CIBAR1: variants seen among roughly 807,000 people sequenced by gnomAD.
CIBAR1 encodes CBY1 interacting BAR domain containing 1.
A neutral mutation model predicts 44.0 loss-of-function variants in CIBAR1; 25 were observed. That is an observed-to-expected ratio of 0.57 (90% confidence interval 0.41 to 0.79). CIBAR1 has a LOEUF of 0.79. CIBAR1 is among the 30% of genes least tolerant of loss of function. The probability of loss-of-function intolerance (pLI) is 0.00; values close to 1 mark genes in which losing one functional copy is unlikely to be tolerated. For synonymous variants in CIBAR1, 115 were observed against 119.0 expected (o/e 0.97, Z 0.22); for missense variants, 278 against 344.8 (o/e 0.81, Z 1.53).
chr8:93,703,664 T>A lies in CIBAR1; in HGVS notation c.306T>A (p.Tyr102Ter). 6.4e-7 allele frequency: 1 copy of A among 1,553,440 alleles called. No individual in the cohort carries two copies. Residue 102 changes from tyrosine (Y) to a stop codon, truncating the protein, a stop_gained, in exon 3 of 9, where the codon TAT becomes TAA. Coordinates refer to ENST00000518322, the MANE Select transcript of CIBAR1 (RefSeq NM_145269.5). LOFTEE classifies it high-confidence loss of function. The part of the protein sequence containing the change: ...EAKVVEPLKT[Y>*]GTIVKMKRDD... ...AAGTAGTTGAACCCTTGAAAACTTA[T>A]GGGACCATTGTGAAAATGAAACGGG...
At chr8:93,720,344 C>G (rs1261794176) in intron 7 of CIBAR1, among the ~76,000 whole-genome samples, 3 of 152,104 alleles carry the variant, frequency 2.0e-5, no homozygotes, top group Non-Finnish European at 4.4e-5. Flanking sequence ...TCCCATTACT[C>G]CACGGGCTCC....
chr8:93,718,844 G>T, intron 7 of CIBAR1, 56 bp downstream of exon 7: 1 of 1,075,622 alleles, frequency 9.3e-7, no homozygotes, highest in Non-Finnish European at 1.3e-6. Flanking sequence ...ATATTTAAAA[G>T]AGAACATTAG....
intron 7 of CIBAR1, chr8:93,724,689 G>A (rs1811405472): frequency 1.7e-6 from 2 of 1,147,420 alleles, no homozygotes; most frequent in Admixed American, 4.0e-5. Flanking sequence ...AGAGCTACAC[G>A]GTTCAGTAAA....
In CIBAR1 at chr8:93,730,714, C is replaced by CTG. The variant is rs1554609533; in HGVS notation, c.*2418_*2419insGT. The CTG allele has an allele frequency of 6.6e-6, 1 of 151,848 alleles. No homozygotes were observed. The highest frequency in any genetic ancestry group is 1.5e-5 in the Non-Finnish European group (1 of 67,986). 9.4% of individuals were successfully genotyped at this position (151,848 alleles called of 1,614,324 possible). ...TGGCCAATTTGTTATTGACATATCA[C>CTG]TAAAGGCAGAGTTGGAGAGAGATGT... is the stretch of plus-strand genomic sequence containing the variant. On this transcript the variant is annotated 3_prime_UTR_variant, in exon 9 of 9. Coordinates refer to ENST00000518322, the MANE Select transcript of CIBAR1 (RefSeq NM_145269.5).
At chr8:93,726,545 G>A (rs1811514031) in intron 8 of CIBAR1, 32 bp downstream of exon 8, 2 of 1,609,422 alleles carry the variant, frequency 1.2e-6, no homozygotes, top group African/African-American at 2.7e-5. Flanking sequence ...AAAGGAATTT[G>A]AGCTGCTGCC....
intron 6 of CIBAR1, 99 bp downstream of exon 6, chr8:93,709,974 C>A (rs987054154): frequency 6.0e-6 from 5 of 838,862 alleles, no homozygotes; most frequent in Non-Finnish European, 9.4e-6. Flanking sequence ...CCCATAATAC[C>A]CCTTATAAAG....
At chr8:93,705,216 A>G (rs1810532933) in intron 4 of CIBAR1, 5 of 434,288 alleles carry the variant, frequency 1.2e-5, no homozygotes, top group Non-Finnish European at 2.0e-5. Context: ...TGTTTTACAC[A>G]GTAGACTTTG....
Position 93,709,779 on chromosome 8 carries a change from G to A in CIBAR1, c.447G>A (p.Thr149=), listed in dbSNP as rs1270111173. 14 of 1,612,736 alleles carry A rather than the reference G, an allele frequency of 8.7e-6. No homozygotes were observed. The highest frequency in any genetic ancestry group is 1.3e-5 in the African/African-American group (1 of 74,832). The change falls in exon 6 of 9, where the codon ACG becomes ACA. Residue 149 remains threonine, a synonymous_variant. Coordinates refer to ENST00000518322, the MANE Select transcript of CIBAR1 (RefSeq NM_145269.5). Reference sequence around the variant, plus strand: ...GGGGAATACTTTTGTAGGCAGAAACGGAATTACAGAGAGCTGCAATGGATG... The same window carrying A: ...GGGGAATACTTTTGTAGGCAGAAACAGAATTACAGAGAGCTGCAATGGATG... ...SDRHVISQAE[T]ELQRAAMDAS...
intron 7 of CIBAR1, among the ~76,000 whole-genome samples, chr8:93,719,308 A>C (rs1434894873): frequency 6.6e-6 from 1 of 152,234 alleles, no homozygotes; most frequent in Non-Finnish European, 1.5e-5. Context: ...ATAGCTAGTA[A>C]AATATAATTT....
chr8:93,722,436 T>G (rs1213510124), intron 7 of CIBAR1, among the ~76,000 whole-genome samples: 1 of 152,184 alleles, frequency 6.6e-6, no homozygotes. Context: ...CGGTGGCTCA[T>G]GCCTGTAATC....
intron 7 of CIBAR1, among the ~76,000 whole-genome samples, chr8:93,721,899 G>T (rs1811279168): frequency 6.6e-6 from 1 of 152,130 alleles, no homozygotes; most frequent in Non-Finnish European, 1.5e-5. Flanking sequence ...AGAATCTTGA[G>T]GGATGCATGG....
chr8:93,723,833 C>T (rs1811367388), intron 7 of CIBAR1, among the ~76,000 whole-genome samples: 1 of 152,078 alleles, frequency 6.6e-6, no homozygotes, highest in Non-Finnish European at 1.5e-5. Context: ...ACAAGTAATT[C>T]TTGAAGGACA....
chr8:93,711,129 T>C (rs753434002), intron 6 of CIBAR1, among the ~76,000 whole-genome samples: 2 of 152,180 alleles, frequency 1.3e-5, no homozygotes, highest in Non-Finnish European at 2.9e-5. Flanking sequence ...TTCTTGGGGA[T>C]CATGAAATTC....
At chr8:93,700,755 C>T in intron 1 of CIBAR1, 82 bp downstream of exon 1, 1 of 1,408,726 alleles carries the variant, frequency 7.1e-7, no homozygotes, top group Non-Finnish European at 9.3e-7. Flanking sequence ...GTCCATGGGG[C>T]CTCTGCGCCG....
chr8:93,708,449 GA>G (rs2130306908), intron 5 of CIBAR1, among the ~76,000 whole-genome samples: 1 of 152,160 alleles, frequency 6.6e-6, no homozygotes, highest in South Asian at 2.1e-4. Flanking sequence ...AGTAACTTTG[GA>G]GCTAGTTTTT....
intron 8 of CIBAR1, chr8:93,727,257 C>G: frequency 8.8e-7 from 1 of 1,139,344 alleles, no homozygotes; most frequent in Non-Finnish European, 1.2e-6. Context: ...AAATTTGATA[C>G]CATACTTTCT....
chr8:93,706,395 G>GC (rs1262564034), intron 4 of CIBAR1, among the ~76,000 whole-genome samples: 1 of 137,182 alleles, frequency 7.3e-6, no homozygotes, highest in African/African-American at 2.7e-5. Context: ...AGAGATCAAG[G>GC]CAGAGGCTAT....
At position 93,700,553 on chromosome 8, in the gene CIBAR1, C is replaced by T; in HGVS notation, c.-95C>T. ...GCGGCGCGAGGGGCGGGCTTTCAGGCTCCCGGCGGCTGCTTGCGCCCCAGC... is the reference window on the plus strand; with the variant it reads ...GCGGCGCGAGGGGCGGGCTTTCAGGTTCCCGGCGGCTGCTTGCGCCCCAGC... On this transcript the variant is annotated 5_prime_UTR_variant, in exon 1 of 9. Transcript: ENST00000518322. 1.5e-6 allele frequency: 2 copies of T among 1,349,028 alleles called. 1 individual carries two copies. Among genetic ancestry groups the T allele is most frequent in the Non-Finnish European group, 1.9e-6 (2 of 1,047,086 alleles). The allele number at this position is 1,349,028 out of a possible 1,614,324, so 83.6% of individuals were successfully genotyped here. A position where few individuals can be genotyped will look rare whatever the true frequency, so the allele number is the denominator to read the frequency against.
Position 93,726,391 on chromosome 8 carries a change from T to A in CIBAR1, c.658-3T>A, listed in dbSNP as rs900435182. The A allele has an allele frequency of 3.7e-6, 6 of 1,609,842 alleles. No individual in the cohort carries two copies. In the African/African-American group the frequency reaches 8.0e-5, roughly 22 times the overall value. On this transcript the variant is annotated splice_polypyrimidine_tract_variant and splice_region_variant and intron_variant, in intron 7 of 8. Coordinates refer to ENST00000518322, the MANE Select transcript of CIBAR1 (RefSeq NM_145269.5). The stretch of plus-strand genomic sequence containing the variant: ...TTATAATGCTATTTTATCATTACAA[T>A]AGGTTTTCCGAAATTCTCTGTATGC...
Sources: gnomAD v4.1 joint callset for allele counts (sites outside exome capture counted in the v4.1 genomes callset) on GRCh38, gnomAD v4.1.1 for gene constraint, MANE v1.5 for transcripts, NCBI Gene and HGNC (gene_info 2026-07-23, HGNC 2026-07-21) for gene names.